Variants in MALRD1 observed in about 807,000 individuals in gnomAD.
The protein encoded by MALRD1 is MAM and LDL-receptor class A domain-containing protein 1.
MALRD1 carries 247 observed loss-of-function variants against 242.1 expected under a neutral mutation model. That is an observed-to-expected ratio of 1.02 (90% CI 0.92 to 1.13). The LOEUF (loss-of-function observed/expected upper bound fraction) is 1.13. Ranked by LOEUF, MALRD1 falls within the 50% of genes most tolerant of loss-of-function variation. MALRD1 has a pLI of 0.00. For missense variants in MALRD1, 2,989 were observed against 2,533.1 expected, an observed-to-expected ratio of 1.18 and a Z score of -3.86; for synonymous variants, 995 against 866.6, an observed-to-expected ratio of 1.15 and a Z score of -2.60.
intron 18 of MALRD1, among the ~76,000 whole-genome samples, chr10:19,237,787 A>G (rs1280763841): frequency 1.1e-4 from 12 of 111,452 alleles, no homozygotes; most frequent in African/African-American, 4.1e-4. Context: ...AATTATTTAT[A>G]ATTTTATATA....
At chr10:19,616,909 A>G (rs1210497850) in intron 36 of MALRD1, among the ~76,000 whole-genome samples, 1 of 151,958 alleles carries the variant, frequency 6.6e-6, no homozygotes, top group Admixed American at 6.6e-5. Flanking sequence ...TTATTTCTCA[A>G]CATGTCAACA....
Position 19,225,554 on chromosome 10 carries a change from A to G in MALRD1, c.2991+15874A>G, listed in dbSNP as rs1030030999. Reference sequence around the variant, plus strand: ...CATTACCAATATTGCTATGATTATCATTAGCATGTATTATTAGTGTGACCG... The same window carrying G: ...CATTACCAATATTGCTATGATTATCGTTAGCATGTATTATTAGTGTGACCG... On this transcript the variant is annotated intron_variant, in intron 18 of 39. Transcript: ENST00000454679. Among the ~76,000 whole-genome samples the G allele has an allele frequency of 2.6e-5, 4 of 152,162 alleles. No individual in the cohort carries two copies. The South Asian group carries it at 6.2e-4, about 24-fold the overall frequency.
chr10:19,573,176 A>G (rs1207759257), intron 33 of MALRD1, among the ~76,000 whole-genome samples: 1 of 152,194 alleles, frequency 6.6e-6, no homozygotes, highest in South Asian at 2.1e-4. Context: ...GGCAGATGAC[A>G]TGGACCATGG....
intron 32 of MALRD1, among the ~76,000 whole-genome samples, chr10:19,543,963 A>C (rs548302685): frequency 6.6e-5 from 10 of 152,108 alleles, no homozygotes; most frequent in Middle Eastern, 3.4e-3. Context: ...CTTTATTTTT[A>C]TTATTCCATG....
rs1461260038 is a variant in MALRD1, at chr10:19,171,682, A to G, written c.1831-3526A>G. Among the ~76,000 whole-genome samples, 2 of 140,990 alleles carry G rather than the reference A, an allele frequency of 1.4e-5. 1 individual carries two copies. The highest frequency in any genetic ancestry group is 5.1e-5 in the African/African-American group (2 of 39,128). 92.5% of individuals were successfully genotyped at this position (140,990 alleles called of 152,430 possible). A position where few individuals can be genotyped will look rare whatever the true frequency, so the allele number is the denominator to read the frequency against. On this transcript the variant is annotated intron_variant, in intron 13 of 39. Transcript: ENST00000454679. ...TCTATGTGTGTATATAAATACACAC[A>G]TATATGTGTGTATGTGTGTGTATAT...
chr10:19,352,192 A>G lies in MALRD1; in HGVS notation c.4336A>G (p.Lys1446Glu). Residue 1446 changes from lysine (K) to glutamate (E), a missense_variant, in exon 26 of 40, where the codon AAA becomes GAA. Coordinates refer to ENST00000454679, the MANE Select transcript of MALRD1 (RefSeq NM_001142308.3). ...ACTCAAATTTGAAGGTAGAGTTGGGAAAGGTCAGCGTGGAGACATTGCACT... is the reference window on the plus strand; with the variant it reads ...ACTCAAATTTGAAGGTAGAGTTGGGGAAGGTCAGCGTGGAGACATTGCACT... ...FQLKFEGRVG[K>E]GQRGDIALDD... The G allele has an allele frequency of 1.3e-6, 2 of 1,550,476 alleles. No homozygotes were observed. The highest frequency in any genetic ancestry group is 1.7e-6 in the Non-Finnish European group (2 of 1,146,912).
chr10:19,147,414 G>A (rs1466567539), intron 11 of MALRD1, among the ~76,000 whole-genome samples: 1 of 152,146 alleles, frequency 6.6e-6, no homozygotes, highest in Non-Finnish European at 1.5e-5. Flanking sequence ...AGTGTGGTAA[G>A]TTCTTAATTT....
intron 38 of MALRD1, among the ~76,000 whole-genome samples, chr10:19,703,672 A>G (rs1380558924): frequency 6.6e-6 from 1 of 152,186 alleles, no homozygotes; most frequent in African/African-American, 2.4e-5. Context: ...AGGCGGGTGG[A>G]TCACTTGAGG....
chr10:19,498,629 A>G lies in MALRD1; in HGVS notation c.5303A>G (p.Asp1768Gly). Residue 1768 changes from aspartate to glycine, a missense_variant, in exon 31 of 40, where the codon GAC (aspartate) becomes GGC (glycine). By Grantham distance (94) the Asp-to-Gly change is moderately conservative (BLOSUM62 -1). Coordinates refer to ENST00000454679, the MANE Select transcript of MALRD1 (RefSeq NM_001142308.3). ...ATTCCTGCCAAAGCATTAATTCCAG[A>G]CTCTGATCACACGCCAGGTAAATCT... The part of the protein sequence containing the change: ...SRIPAKALIP[D>G]SDHTPGSGQH... 6.5e-7 allele frequency: 1 copy of G among 1,549,350 alleles called. No individual in the cohort carries two copies. Among genetic ancestry groups the G allele is most frequent in the Non-Finnish European group, 8.7e-7 (1 of 1,146,462 alleles).
At chr10:19,598,245 C>G (rs940305169) in intron 34 of MALRD1, 1 of 152,240 alleles carries the variant, frequency 6.6e-6, no homozygotes, top group Non-Finnish European at 1.5e-5. Context: ...ACAGTGACTT[C>G]CAAGACTGTG....
At chr10:19,518,673 T>G (rs902754042) in intron 31 of MALRD1, among the ~76,000 whole-genome samples, 1 of 152,176 alleles carries the variant, frequency 6.6e-6, no homozygotes, top group South Asian at 2.1e-4. Context: ...CATTTTTTTT[T>G]TTCATAAATA....
intron 36 of MALRD1, among the ~76,000 whole-genome samples, chr10:19,665,889 T>C (rs1410404759): frequency 6.6e-6 from 1 of 152,108 alleles, no homozygotes; most frequent in East Asian, 1.9e-4. Context: ...TAATGATTTT[T>C]TTTTTTTTTT....
At chr10:19,507,582 C>G (rs1481528464) in intron 31 of MALRD1, among the ~76,000 whole-genome samples, 1 of 152,048 alleles carries the variant, frequency 6.6e-6, no homozygotes, top group East Asian at 1.9e-4. Context: ...GAATATGATA[C>G]ATAAATTCTT....
chr10:19,434,715 A>G (rs185825904), intron 28 of MALRD1, among the ~76,000 whole-genome samples: 40 of 152,100 alleles, frequency 2.6e-4, no homozygotes, highest in African/African-American at 9.1e-4. Flanking sequence ...AGCTTGAAAT[A>G]TTTTTATGTT....
At chr10:19,458,710 GT>G (rs1206888624) in intron 29 of MALRD1, among the ~76,000 whole-genome samples, 1 of 152,092 alleles carries the variant, frequency 6.6e-6, no homozygotes, top group Admixed American at 6.5e-5. Context: ...TATTTAAAAT[GT>G]AGTGTACAAT....
chr10:19,645,662 G>A (rs1166451267), intron 36 of MALRD1, among the ~76,000 whole-genome samples: 1 of 152,098 alleles, frequency 6.6e-6, no homozygotes, highest in Non-Finnish European at 1.5e-5. Flanking sequence ...CTCACTCATA[G>A]GTGGGAATTG....
At chr10:19,474,201 C>G (rs1022191742) in intron 29 of MALRD1, among the ~76,000 whole-genome samples, 2 of 151,912 alleles carry the variant, frequency 1.3e-5, no homozygotes, top group African/African-American at 4.8e-5. Flanking sequence ...TTGCTTTTGT[C>G]AAGTTTTAAG....
intron 35 of MALRD1, among the ~76,000 whole-genome samples, 176 bp downstream of exon 35, chr10:19,608,078 T>G (rs1032480364): frequency 6.6e-6 from 1 of 152,130 alleles, no homozygotes; most frequent in African/African-American, 2.4e-5. Context: ...GTCTAAAGTA[T>G]TATAAACATA....
intron 24 of MALRD1, among the ~76,000 whole-genome samples, chr10:19,339,578 A>T: frequency 6.6e-6 from 1 of 152,110 alleles, no homozygotes; most frequent in East Asian, 1.9e-4. Context: ...ATTGCTACAA[A>T]TTTTAGGTAA....
Sources: allele counts gnomAD v4.1 joint callset (sites outside exome capture counted in the v4.1 genomes callset), GRCh38; gene constraint gnomAD v4.1.1; transcripts MANE v1.5; gene names NCBI Gene and HGNC (gene_info 2026-07-23, HGNC 2026-07-21).